Variants in OR8G5 observed in about 807,000 individuals in gnomAD.
OR8G5 encodes the protein olfactory receptor 8G5.
For missense variants in OR8G5, 347 were observed against 371.9 expected (o/e 0.93, Z 0.55); for synonymous variants, 147 against 147.7 (o/e 1.00, Z 0.03).
chr11:124,259,862 A>G (rs1393622751), intron 1 of OR8G5, among the ~76,000 whole-genome samples: 7 of 152,114 alleles, frequency 4.6e-5, no homozygotes, highest in African/African-American at 1.7e-4. Flanking sequence ...AACTGTGTCT[A>G]TAGCACATTC....
chr11:124,265,777 G>A lies in OR8G5; in HGVS notation c.846G>A (p.Val282=). ...CCTCTGTGTTTTATACTATTGTTGTGCCCATGCTGAACCCCCTGATCTACA... is the reference window on the plus strand; with the variant it reads ...CCTCTGTGTTTTATACTATTGTTGTACCCATGCTGAACCCCCTGATCTACA... ...KVSSVFYTIV[V]PMLNPLIYSL... is the part of the protein sequence containing the mutation. Residue 282 remains valine (V), a synonymous_variant, in exon 2 of 2, where the codon GTG becomes GTA. Transcript: ENST00000641992. The A allele has an allele frequency of 6.2e-7, 1 of 1,614,136 alleles. No homozygotes were observed. Among genetic ancestry groups the A allele is most frequent in the Non-Finnish European group, 8.5e-7 (1 of 1,180,006 alleles).
At chr11:124,264,801 G>A (rs766005028) in intron 1 of OR8G5, 117 bp from the exon 2 acceptor site, 11 of 1,278,742 alleles carry the variant, frequency 8.6e-6, no homozygotes, top group Non-Finnish European at 1.2e-5. Context: ...GATAAATTAT[G>A]ATTCAGTTAA....
At position 124,265,240 on chromosome 11, in the gene OR8G5, C is replaced by A; in HGVS notation, c.309C>A (p.Phe103Leu). ...SYPECMTQLY[F>L]FLVFAIAECH... Reference sequence around the variant, plus strand: ...CTGAATGCATGACTCAGCTCTACTTCTTCCTCGTTTTTGCTATTGCAGAGT... The same window carrying A: ...CTGAATGCATGACTCAGCTCTACTTATTCCTCGTTTTTGCTATTGCAGAGT... The change falls in exon 2 of 2, where the codon TTC becomes TTA. Residue 103 changes from phenylalanine to leucine, a missense_variant. Coordinates refer to ENST00000641992, the MANE Select transcript of OR8G5 (RefSeq NM_001005198.2). The A allele has an allele frequency of 6.2e-7, 1 of 1,614,036 alleles. No homozygotes were observed. Among genetic ancestry groups the A allele is most frequent in the Non-Finnish European group, 8.5e-7 (1 of 1,179,906 alleles).
At chr11:124,261,377 A>T (rs376355095) in intron 1 of OR8G5, among the ~76,000 whole-genome samples, 1 of 152,002 alleles carries the variant, frequency 6.6e-6, no homozygotes, top group African/African-American at 2.4e-5. Context: ...AGAAAATCTA[A>T]TGAAAGGGAG....
At chr11:124,264,551 G>C (rs1862007697) in intron 1 of OR8G5, among the ~76,000 whole-genome samples, 1 of 152,192 alleles carries the variant, frequency 6.6e-6, no homozygotes, top group East Asian at 1.9e-4. Context: ...AGAGGTTACT[G>C]TCTGTAGACA....
chr11:124,257,500 T>C (rs544399670), intron 1 of OR8G5, among the ~76,000 whole-genome samples: 3 of 152,228 alleles, frequency 2.0e-5, no homozygotes, highest in Non-Finnish European at 2.9e-5. Flanking sequence ...CATTATTTTG[T>C]AAATGATTAT....
Position 124,265,967 on chromosome 11 carries a change from T to C in OR8G5, c.*100T>C, listed in dbSNP as rs543266925. On this transcript the variant is annotated 3_prime_UTR_variant, in exon 2 of 2. Transcript: ENST00000641992. Reference sequence around the variant, plus strand: ...CTTTAGTGCATCTGTCAACATTCTTTCTAATTTGGGGGGATTTTACTGACG... The same window carrying C: ...CTTTAGTGCATCTGTCAACATTCTTCCTAATTTGGGGGGATTTTACTGACG... The C allele has an allele frequency of 3.2e-5, 45 of 1,400,246 alleles. No individual in the cohort carries two copies. The Admixed American group carries it at 1.0e-3, about 32-fold the overall frequency. The allele number at this position is 1,400,246 out of a possible 1,614,324, so 86.7% of individuals were successfully genotyped here.
chr11:124,265,334 A>G lies in OR8G5; in HGVS notation c.403A>G (p.Ile135Val), dbSNP rs1399792970. The change falls in exon 2 of 2, where the codon ATC becomes GTC. Residue 135 changes from isoleucine (I) to valine (V), a missense_variant. Physicochemically the swap from Ile to Val is conservative, Grantham distance 29. Transcript: ENST00000641992. Reference sequence around the variant, plus strand: ...CTGTAGCCCCTTGCTGTACAGCATCATCATATCCAATAAGGCTTGCTTTTC... The same window carrying G: ...CTGTAGCCCCTTGCTGTACAGCATCGTCATATCCAATAAGGCTTGCTTTTC... ...AICSPLLYSI[I>V]ISNKACFSLI... 1.2e-6 allele frequency: 2 copies of G among 1,614,072 alleles called. No homozygotes were observed. The highest frequency in any genetic ancestry group is 2.2e-5 in the South Asian group (2 of 91,090).
chr11:124,265,760 T>A lies in OR8G5; in HGVS notation c.829T>A (p.Phe277Ile). 3 of 1,614,180 alleles carry A rather than the reference T, an allele frequency of 1.9e-6. No individual in the cohort carries two copies. Among genetic ancestry groups the A allele is most frequent in the Non-Finnish European group, 2.5e-6 (3 of 1,180,014 alleles). ...GGACCAGGGGAAAGTGTCCTCTGTG[T>A]TTTATACTATTGTTGTGCCCATGCT... ...SMDQGKVSSV[F>I]YTIVVPMLNP... is the part of the protein sequence containing the mutation. Residue 277 changes from phenylalanine to isoleucine, a missense_variant, in exon 2 of 2, where the codon TTT (phenylalanine) becomes ATT (isoleucine). Phe to Ile is a conservative substitution (Grantham distance 21). Coordinates refer to ENST00000641992, the MANE Select transcript of OR8G5 (RefSeq NM_001005198.2).
rs1317170918 is a variant in OR8G5, at chr11:124,266,108, T to C, written c.*241T>C. The C allele has an allele frequency of 3.5e-5, 16 of 460,016 alleles. No homozygotes were observed. The highest frequency in any genetic ancestry group is 6.0e-5 in the Non-Finnish European group (16 of 266,290). The allele number at this position is 460,016 out of a possible 1,614,324, so 28.5% of individuals were successfully genotyped here. Reference sequence around the variant, plus strand: ...AAATAATAAGATTGACATAGTGAAATAGTGGCATAACCTGATAATGCCAGT... The same window carrying C: ...AAATAATAAGATTGACATAGTGAAACAGTGGCATAACCTGATAATGCCAGT... On this transcript the variant is annotated 3_prime_UTR_variant, in exon 2 of 2. Coordinates refer to ENST00000641992, the MANE Select transcript of OR8G5 (RefSeq NM_001005198.2).
intron 1 of OR8G5, among the ~76,000 whole-genome samples, chr11:124,258,417 G>A (rs1565318548): frequency 6.6e-6 from 1 of 151,970 alleles, no homozygotes. Context: ...AATTAGCTGA[G>A]CGTGGTGGCG....
rs1452409171 is a variant in OR8G5, at chr11:124,265,495, C to A, written c.564C>A (p.Ser188=). 3 of 1,613,982 alleles carry A rather than the reference C, an allele frequency of 1.9e-6. No homozygotes were observed. The South Asian group carries it at 3.3e-5, about 18-fold the overall frequency. Residue 188 remains serine, a synonymous_variant, in exon 2 of 2, where the codon TCC becomes TCA. Coordinates refer to ENST00000641992, the MANE Select transcript of OR8G5 (RefSeq NM_001005198.2). ...FCDLISILKL[S]CSSTYINELL... is the part of the protein sequence containing the mutation. ...ATCTTATTTCTATCTTGAAGCTCTCCTGTTCTAGTACTTACATTAATGAGT... is the reference window on the plus strand; with the variant it reads ...ATCTTATTTCTATCTTGAAGCTCTCATGTTCTAGTACTTACATTAATGAGT...
At chr11:124,259,025 T>C (rs1382457687) in intron 1 of OR8G5, among the ~76,000 whole-genome samples, 1 of 152,168 alleles carries the variant, frequency 6.6e-6, no homozygotes, top group Non-Finnish European at 1.5e-5. Context: ...AAACCAGATA[T>C]CTTATATGGG....
chr11:124,259,592 A>G (rs1397339909), intron 1 of OR8G5, among the ~76,000 whole-genome samples: 3 of 152,152 alleles, frequency 2.0e-5, no homozygotes, highest in Non-Finnish European at 1.5e-5. Context: ...TAGAGTATAT[A>G]GGGAGGTGAT....
In OR8G5 at chr11:124,265,006, GC is replaced by G; in HGVS notation, c.79del (p.Leu27SerfsTer10). On this transcript the variant is annotated frameshift_variant, in exon 2 of 2. Transcript: ENST00000641992. LOFTEE classifies it low-confidence loss of function (END_TRUNC). ...TAACAGAGAAGTCAGAGCTACAGCT[GC>G]CCCTCTTCCTCGTCTTCCTGGGAAT... ...GLTEKSELQL[P>X]LFLVFLGIYV... The G allele has an allele frequency of 6.2e-7, 1 of 1,613,998 alleles. No individual in the cohort carries two copies. Among genetic ancestry groups the G allele is most frequent in the Non-Finnish European group, 8.5e-7 (1 of 1,179,894 alleles).
rs1862014908 is a variant in OR8G5, at chr11:124,265,122, G to A, written c.191G>A (p.Ser64Asn). 6.2e-7 allele frequency: 1 copy of A among 1,614,150 alleles called. No homozygotes were observed. Among genetic ancestry groups the A allele is most frequent in the African/African-American group, 1.3e-5 (1 of 75,038 alleles). The change falls in exon 2 of 2, where the codon AGC becomes AAC. Residue 64 changes from serine to asparagine, a missense_variant. Coordinates refer to ENST00000641992, the MANE Select transcript of OR8G5 (RefSeq NM_001005198.2). ...CACACACCTATGTACTGTTTCCTCA[G>A]CAGTCTGTCCTTCATTGACTTCTGC... ...HLHTPMYCFLSSLSFIDFCHS... is the reference protein window; with the variant it reads ...HLHTPMYCFLNSLSFIDFCHS...
At chr11:124,263,465 A>G (rs2137760441) in intron 1 of OR8G5, among the ~76,000 whole-genome samples, 1 of 151,318 alleles carries the variant, frequency 6.6e-6, no homozygotes, top group African/African-American at 2.4e-5. Flanking sequence ...GTCATTTAAC[A>G]TTAGGTATAT....
At chr11:124,263,668 G>A (rs1028464241) in intron 1 of OR8G5, among the ~76,000 whole-genome samples, 2 of 151,880 alleles carry the variant, frequency 1.3e-5, no homozygotes, top group East Asian at 1.9e-4. Flanking sequence ...TTCTTTCTAA[G>A]AAATCATAAA....
At chr11:124,260,922 TTCTA>T (rs1430446592) in intron 1 of OR8G5, among the ~76,000 whole-genome samples, 2 of 151,968 alleles carry the variant, frequency 1.3e-5, no homozygotes, top group Non-Finnish European at 2.9e-5. Flanking sequence ...GAACTATTCC[TTCTA>T]TCTAACTGTA....
Sources: gnomAD v4.1 joint callset for allele counts (sites outside exome capture counted in the v4.1 genomes callset) on GRCh38, gnomAD v4.1.1 for gene constraint, MANE v1.5 for transcripts, NCBI Gene and HGNC (gene_info 2026-07-23, HGNC 2026-07-21) for gene names.